Variants in DENND5A observed in about 807,000 individuals in gnomAD.
The protein encoded by DENND5A is DENN domain containing 5A.
DENND5A carries 64 observed loss-of-function variants against 140.3 expected under a neutral mutation model. That is an observed-to-expected ratio of 0.46 (90% CI 0.37 to 0.56). The LOEUF (loss-of-function observed/expected upper bound fraction) is 0.56, where lower values mean the gene tolerates loss of function less well. DENND5A is among the 20% of genes least tolerant of loss of function. DENND5A has a pLI of 0.00. For missense variants in DENND5A, 1,292 were observed against 1,593.8 expected, an observed-to-expected ratio of 0.81 and a Z score of 3.22; for synonymous variants, 605 against 607.7, an observed-to-expected ratio of 1.00 and a Z score of 0.07.
intron 1 of DENND5A, among the ~76,000 whole-genome samples, chr11:9,217,464 A>C (rs561987546): frequency 2.0e-5 from 3 of 151,418 alleles, no homozygotes; most frequent in Admixed American, 2.0e-4. Flanking sequence ...CAGTGAGCCG[A>C]GATCTCACCA....
At chr11:9,250,957 A>G (rs1851691947) in intron 1 of DENND5A, among the ~76,000 whole-genome samples, 1 of 152,020 alleles carries the variant, frequency 6.6e-6, no homozygotes, top group African/African-American at 2.4e-5. Flanking sequence ...CAACATGGTG[A>G]AACCCCCTCT....
intron 5 of DENND5A, 140 bp from the exon 6 acceptor site, chr11:9,181,224 G>A: frequency 2.8e-6 from 2 of 704,044 alleles, no homozygotes; most frequent in East Asian, 2.7e-5. Context: ...GGAAGATAGG[G>A]CTCAGAAATA....
intron 12 of DENND5A, among the ~76,000 whole-genome samples, chr11:9,157,963 T>C (rs1847866444): frequency 6.6e-6 from 1 of 152,218 alleles, no homozygotes; most frequent in African/African-American, 2.4e-5. Context: ...TTCATAGTGT[T>C]GCTACTACAC....
At chr11:9,145,139 T>G (rs199513469) in intron 17 of DENND5A, 26 bp from the exon 18 acceptor site, 1 of 1,528,870 alleles carries the variant, frequency 6.5e-7, no homozygotes, top group Non-Finnish European at 9.1e-7. Flanking sequence ...GAAGATGAGG[T>G]AGGTCAGGAA....
At chr11:9,209,819 T>C (rs1275870911) in intron 1 of DENND5A, among the ~76,000 whole-genome samples, 3 of 152,026 alleles carry the variant, frequency 2.0e-5, no homozygotes, top group African/African-American at 7.2e-5. Context: ...GAATAAACAG[T>C]AAGGGGCTGG....
At chr11:9,164,862 T>A (rs1341034971) in intron 11 of DENND5A, among the ~76,000 whole-genome samples, 1 of 152,208 alleles carries the variant, frequency 6.6e-6, no homozygotes, top group East Asian at 1.9e-4. Flanking sequence ...TTTAAAACTA[T>A]GCCTGTAACC....
chr11:9,230,328 C>A (rs891946525), intron 1 of DENND5A, among the ~76,000 whole-genome samples: 36 of 136,440 alleles, frequency 2.6e-4, no homozygotes, highest in African/African-American at 9.0e-4. Context: ...ACAATCTCAA[C>A]CTTCTGAGCT....
chr11:9,229,073 A>G (rs1850654896), intron 1 of DENND5A, among the ~76,000 whole-genome samples: 1 of 152,204 alleles, frequency 6.6e-6, no homozygotes, highest in African/African-American at 2.4e-5. Context: ...TTGTGAGACT[A>G]AGCACTTAAC....
chr11:9,227,093 G>A (rs1038865039), intron 1 of DENND5A, among the ~76,000 whole-genome samples: 5 of 151,890 alleles, frequency 3.3e-5, no homozygotes, highest in African/African-American at 7.3e-5. Flanking sequence ...GCTTGAACCC[G>A]GGAGGCAGAG....
chr11:9,223,878 A>G (rs1225853441), intron 1 of DENND5A, among the ~76,000 whole-genome samples: 1 of 152,234 alleles, frequency 6.6e-6, no homozygotes, highest in East Asian at 1.9e-4. Flanking sequence ...AACAGAGGGC[A>G]TGCCCTGACC....
chr11:9,246,016 G>A (rs1437634053), intron 1 of DENND5A, among the ~76,000 whole-genome samples: 1 of 152,098 alleles, frequency 6.6e-6, no homozygotes, highest in African/African-American at 2.4e-5. Flanking sequence ...TAAGAAATTT[G>A]CCTACCTGAC....
At chr11:9,159,989 G>A (rs1438519958) in intron 12 of DENND5A, among the ~76,000 whole-genome samples, 1 of 152,178 alleles carries the variant, frequency 6.6e-6, no homozygotes, top group Non-Finnish European at 1.5e-5. Flanking sequence ...GACACAGGAA[G>A]GCAAGAGATC....
At chr11:9,173,473 T>C (rs763025320) in intron 8 of DENND5A, among the ~76,000 whole-genome samples, 7 of 152,200 alleles carry the variant, frequency 4.6e-5, no homozygotes, top group African/African-American at 1.2e-4. Context: ...TAGATGACAA[T>C]AGCACGTCGG....
chr11:9,246,942 T>G (rs1359355842), intron 1 of DENND5A, among the ~76,000 whole-genome samples: 1 of 151,962 alleles, frequency 6.6e-6, no homozygotes, highest in Admixed American at 6.6e-5. Flanking sequence ...TTAAAAACCC[T>G]TGCCTTGGCC....
In DENND5A at chr11:9,204,040, C is replaced by T. The variant is rs759102529; in HGVS notation, c.569G>A (p.Arg190His). ...GEDTPVTKLQRFNSYDISRDT... is the reference protein window; with the variant it reads ...GEDTPVTKLQHFNSYDISRDT... ...CCGGCTAATGTCATAGGAGTTGAAGCGCTGCAGTTTGGTCACAGGAGTGTC... is the reference window on the plus strand; with the variant it reads ...CCGGCTAATGTCATAGGAGTTGAAGTGCTGCAGTTTGGTCACAGGAGTGTC... The change falls in exon 4 of 23, where the codon CGC becomes CAC. Residue 190 changes from arginine (R) to histidine (H), a missense_variant. Arg to His is a conservative substitution (Grantham distance 29). Coordinates refer to ENST00000328194, the MANE Select transcript of DENND5A (RefSeq NM_015213.4). 51 of 1,613,986 alleles carry T rather than the reference C, an allele frequency of 3.2e-5. No homozygotes were observed. The highest frequency in any genetic ancestry group is 4.2e-5 in the Non-Finnish European group (50 of 1,180,028).
At chr11:9,239,747 C>A (rs1396610072) in intron 1 of DENND5A, among the ~76,000 whole-genome samples, 2 of 152,226 alleles carry the variant, frequency 1.3e-5, no homozygotes, top group African/African-American at 2.4e-5. Context: ...CAGGCATGTG[C>A]TACCATGCCT....
At chr11:9,252,022 A>C (rs1306919238) in intron 1 of DENND5A, among the ~76,000 whole-genome samples, 1 of 112,448 alleles carries the variant, frequency 8.9e-6, no homozygotes, top group Admixed American at 9.1e-5. Context: ...AAATCTGGCC[A>C]GGTGCAGTGG....
intron 1 of DENND5A, among the ~76,000 whole-genome samples, chr11:9,253,745 T>C (rs1283535404): frequency 1.3e-5 from 2 of 151,482 alleles, no homozygotes; most frequent in Non-Finnish European, 2.9e-5. Context: ...TGCACACCTG[T>C]AGTTCCAGCT....
chr11:9,138,929 C>T lies in DENND5A; in HGVS notation c.*742G>A, dbSNP rs1323683581. On this transcript the variant is annotated 3_prime_UTR_variant, in exon 23 of 23. Transcript: ENST00000328194. ...ACATAGCCAGTTAGATTGTGACAAG[C>T]TTTTCCTTTCCTTAAAAAAAGAAAA... 1.3e-5 allele frequency: 2 copies of T among 152,198 alleles called. No homozygotes were observed. The highest frequency in any genetic ancestry group is 4.8e-5 in the African/African-American group (2 of 41,402). The allele number at this position is 152,198 out of a possible 1,614,324, so 9.4% of individuals were successfully genotyped here. A position where few individuals can be genotyped will look rare whatever the true frequency, so the allele number is the denominator to read the frequency against.
Sources: gnomAD v4.1 joint callset for allele counts (sites outside exome capture counted in the v4.1 genomes callset) on GRCh38, gnomAD v4.1.1 for gene constraint, MANE v1.5 for transcripts, NCBI Gene and HGNC (gene_info 2026-07-23, HGNC 2026-07-21) for gene names.